Variants in ZNF518A observed in about 807,000 individuals in gnomAD.
The protein encoded by ZNF518A is zinc finger protein 518.
A neutral mutation model predicts 102.7 loss-of-function variants in ZNF518A; 47 were observed. The observed-to-expected ratio is 0.46, with a 90% confidence interval of 0.36 to 0.58. The LOEUF (loss-of-function observed/expected upper bound fraction) is 0.58. Ranked by LOEUF, ZNF518A falls within the 20% of genes least tolerant of loss-of-function variation. The pLI is 0.00. For missense variants in ZNF518A, 1,793 were observed against 1,699.8 expected, an observed-to-expected ratio of 1.05 and a Z score of -0.96; for synonymous variants, 652 against 594.6, an observed-to-expected ratio of 1.10 and a Z score of -1.40.
intron 3 of ZNF518A, among the ~76,000 whole-genome samples, chr10:96,141,932 A>G (rs374653033): frequency 5.0e-4 from 76 of 152,100 alleles, no homozygotes; most frequent in African/African-American, 1.8e-3. Context: ...TGTAGAGATG[A>G]GGTCTCACTA....
Position 96,162,390 on chromosome 10 carries a change from C to T in ZNF518A, c.*1616C>T, listed in dbSNP as rs1176011739. On this transcript the variant is annotated 3_prime_UTR_variant, in exon 6 of 6. Transcript: ENST00000316045. ...ATTGAACACTATTGTTAGCAAGTGC[C>T]TAAAAAAGATGTGAAACAGTTTACA... The T allele has an allele frequency of 6.0e-6, 1 of 166,758 alleles. No individual in the cohort carries two copies. The highest frequency in any genetic ancestry group is 6.6e-5 in the Admixed American group (1 of 15,258). 10.3% of individuals were successfully genotyped at this position (166,758 alleles called of 1,614,324 possible). A position where few individuals can be genotyped will look rare whatever the true frequency, so the allele number is the denominator to read the frequency against.
intron 1 of ZNF518A, among the ~76,000 whole-genome samples, chr10:96,196,163 G>A (rs2083459980): frequency 6.6e-6 from 1 of 152,172 alleles, no homozygotes; most frequent in Non-Finnish European, 1.5e-5. Context: ...TATTTTCTCT[G>A]CATAGATTGT....
intron 3 of ZNF518A, among the ~76,000 whole-genome samples, chr10:96,145,738 G>C (rs1209925962): frequency 6.6e-6 from 1 of 152,104 alleles, no homozygotes; most frequent in African/African-American, 2.4e-5. Context: ...ATATTATTTT[G>C]AGTTTAAGAA....
At chr10:96,190,730 C>T (rs17111391) in intron 1 of ZNF518A, among the ~76,000 whole-genome samples, 9,563 of 152,244 alleles carry the variant, frequency 0.063, 561 homozygotes, top group African/African-American at 0.15. Context: ...TGCTTTATCA[C>T]TTCACTGCTG....
In ZNF518A at chr10:96,179,753, ATTCTTC is replaced by A. The variant is rs58052521; in HGVS notation, n.35+23725_35+23730del. 5.8e-3 allele frequency among the ~76,000 whole-genome samples: 870 copies of A among 150,396 alleles called. 7 individuals carry two copies. Among genetic ancestry groups the A allele is most frequent in the South Asian group, 0.013 (61 of 4,724 alleles). On this transcript the variant is annotated intron_variant and non_coding_transcript_variant, in intron 1 of 2. Transcript: ENST00000442635. ...AAATAACACTTTTGAATCTTTTACA[ATTCTTC>A]TTCTTCTTCTTCTTCTTCCTTTTCT... is the stretch of plus-strand genomic sequence containing the variant.
chr10:96,163,925 T>C (rs1554889399), downstream of ZNF518A, among the ~76,000 whole-genome samples: 1 of 152,154 alleles, frequency 6.6e-6, no homozygotes, highest in East Asian at 1.9e-4. Context: ...AACTAAAATA[T>C]GTATATAAAG....
In ZNF518A at chr10:96,200,013, T is replaced by A; in HGVS notation, n.36-3561T>A. 1.7e-6 allele frequency: 2 copies of A among 1,180,856 alleles called. No homozygotes were observed. Among genetic ancestry groups the A allele is most frequent in the South Asian group, 5.1e-5 (2 of 39,112 alleles). 73.1% of individuals were successfully genotyped at this position (1,180,856 alleles called of 1,614,324 possible). On this transcript the variant is annotated intron_variant and non_coding_transcript_variant, in intron 1 of 2. Transcript: ENST00000442635. This position sits in a 1 kb window ranked among gnomAD's most constrained non-coding sequence, Gnocchi z 4.3. The stretch of plus-strand genomic sequence containing the variant: ...ACTGCACTCCAGTGAAACTGCATCA[T>A]CTCAAAACAAATAAATAAAATAAAA...
intron 1 of ZNF518A, among the ~76,000 whole-genome samples, chr10:96,179,883 C>CCTT (rs1564803051): frequency 5.7e-5 from 6 of 106,098 alleles, no homozygotes; most frequent in African/African-American, 1.1e-4. Flanking sequence ...TTCTTTCTTT[C>CCTT]ATTTTTTTTT....
chr10:96,186,888 G>C (rs2083274955), intron 1 of ZNF518A, among the ~76,000 whole-genome samples: 1 of 152,130 alleles, frequency 6.6e-6, no homozygotes, highest in South Asian at 2.1e-4. Flanking sequence ...CACATATTTA[G>C]TAGAATAATA....
intron 3 of ZNF518A, among the ~76,000 whole-genome samples, chr10:96,140,487 T>C (rs587630251): frequency 1.3e-5 from 2 of 152,324 alleles, no homozygotes; most frequent in South Asian, 4.1e-4. Context: ...AAAATCTGCC[T>C]ATTCTAAATC....
In ZNF518A at chr10:96,157,412, G is replaced by A; in HGVS notation, c.1090G>A (p.Val364Ile). 1 of 1,613,076 alleles carries A rather than the reference G, an allele frequency of 6.2e-7. No homozygotes were observed. The highest frequency in any genetic ancestry group is 8.5e-7 in the Non-Finnish European group (1 of 1,179,480). Residue 364 changes from valine to isoleucine, a missense_variant, in exon 6 of 6, where the codon GTT becomes ATT. Val to Ile is a conservative substitution (Grantham distance 29, BLOSUM62 3). Coordinates refer to ENST00000316045, the MANE Select transcript of ZNF518A (RefSeq NM_001330736.2). The stretch of plus-strand genomic sequence containing the variant: ...GACTAAATCTGAAGACCAGAGCCAT[G>A]TTGTTCAAGAGCATTTAAGTGAAGA... ...TQTKSEDQSHVVQEHLSEEKD... is the reference protein window; with the variant it reads ...TQTKSEDQSHIVQEHLSEEKD...
chr10:96,142,563 A>G (rs1554876982), intron 3 of ZNF518A, among the ~76,000 whole-genome samples: 1 of 148,204 alleles, frequency 6.7e-6, no homozygotes, highest in African/African-American at 2.4e-5. Flanking sequence ...GAATATAGCT[A>G]AGCTAAAACT....
chr10:96,183,772 G>A (rs2083254334), intron 1 of ZNF518A, among the ~76,000 whole-genome samples: 1 of 152,196 alleles, frequency 6.6e-6, no homozygotes, highest in Admixed American at 6.5e-5. Context: ...ATGTGGTGAT[G>A]AGAATAATGT....
At chr10:96,186,408 C>CT (rs1217720556) in intron 1 of ZNF518A, among the ~76,000 whole-genome samples, 17 of 148,562 alleles carry the variant, frequency 1.1e-4, no homozygotes, top group East Asian at 3.9e-4. Flanking sequence ...AAGTAGGTTG[C>CT]TTTTTTTTTT....
chr10:96,196,822 C>T (rs1554894776), intron 1 of ZNF518A: 2 of 1,338,686 alleles, frequency 1.5e-6, no homozygotes, highest in East Asian at 2.3e-5. Flanking sequence ...TATCCTTTCT[C>T]CTCATCTCTA....
intron 1 of ZNF518A, among the ~76,000 whole-genome samples, chr10:96,173,704 G>A (rs587661702): frequency 6.6e-6 from 1 of 152,176 alleles, no homozygotes; most frequent in South Asian, 2.1e-4. Context: ...ACTCCACTTT[G>A]CATAAATGAA....
At chr10:96,177,153 A>G (rs587738646) in intron 1 of ZNF518A, among the ~76,000 whole-genome samples, 24 of 152,290 alleles carry the variant, frequency 1.6e-4, no homozygotes, top group African/African-American at 5.8e-4. Context: ...GGAAGAAAGT[A>G]CACATATGTG....
At chr10:96,173,901 AC>A (rs1279048640) in intron 1 of ZNF518A, among the ~76,000 whole-genome samples, 4 of 152,220 alleles carry the variant, frequency 2.6e-5, no homozygotes, top group African/African-American at 9.6e-5. Flanking sequence ...TGGGAATGAT[AC>A]AAAGTGTGTT....
chr10:96,158,295 C>T lies in ZNF518A; in HGVS notation c.1973C>T (p.Ala658Val). 6.2e-7 allele frequency: 1 copy of T among 1,613,614 alleles called. No homozygotes were observed. Among genetic ancestry groups the T allele is most frequent in the Non-Finnish European group, 8.5e-7 (1 of 1,179,708 alleles). ...AAACGTCGTAGGTTTTCAGGAACAG[C>T]AGTGTATGAAAACCCTCAAAGAGAA... is the stretch of plus-strand genomic sequence containing the variant. The part of the protein sequence containing the change: ...SNKRRRFSGT[A>V]VYENPQRESS... The change falls in exon 6 of 6, where the codon GCA becomes GTA. Residue 658 changes from alanine (A) to valine (V), a missense_variant. Around this residue, in one of 3 missense-constraint regions of ZNF518A, gnomAD observed 1,741 missense variants for 1,622.6 expected, o/e 1.07. Transcript: ENST00000316045.
Sources: gnomAD v4.1 joint callset for allele counts (sites outside exome capture counted in the v4.1 genomes callset) on GRCh38, gnomAD v4.1.1 for gene constraint, gnomAD v4.1.1 regional missense constraint, Gnocchi (gnomAD v3.1) non-coding constraint, MANE v1.5 for transcripts, NCBI Gene and HGNC (gene_info 2026-07-23, HGNC 2026-07-21) for gene names.